The following ERC2 variants were observed in gnomAD, a reference collection of about 807,000 sequenced individuals.
The protein encoded by ERC2 is ERC protein 2.
ERC2 carries 42 observed loss-of-function variants against 114.8 expected under a neutral mutation model. That is an observed-to-expected ratio of 0.37 (90% CI 0.29 to 0.47). The LOEUF is 0.47. ERC2 is among the 20% of genes least tolerant of loss of function. The pLI is 0.99. For synonymous variants in ERC2, 454 were observed against 425.5 expected, an observed-to-expected ratio of 1.07 and a Z score of -0.82; for missense variants, 939 against 1,150.7, an observed-to-expected ratio of 0.82 and a Z score of 2.66.
chr3:56,450,470 C>T (rs1480321837), intron 1 of ERC2, among the ~76,000 whole-genome samples: 1 of 152,150 alleles, frequency 6.6e-6, no homozygotes, highest in East Asian at 1.9e-4. Flanking sequence ...TCTGAAACCC[C>T]TAAAAATTTT....
intron 14 of ERC2, among the ~76,000 whole-genome samples, chr3:55,850,186 T>C (rs2061511748): frequency 6.6e-6 from 1 of 152,208 alleles, no homozygotes; most frequent in Non-Finnish European, 1.5e-5. Flanking sequence ...TTCTGTCTCA[T>C]AAGAACATCT....
intron 2 of ERC2, among the ~76,000 whole-genome samples, chr3:56,430,969 A>G (rs544558555): frequency 6.6e-6 from 1 of 152,280 alleles, no homozygotes; most frequent in South Asian, 2.1e-4. Flanking sequence ...AAATAGACCA[A>G]TGCCTTAAGA....
intron 15 of ERC2, among the ~76,000 whole-genome samples, chr3:55,713,294 T>C (rs970696468): frequency 1.1e-4 from 16 of 152,120 alleles, no homozygotes; most frequent in African/African-American, 3.9e-4. Context: ...CACTGCAACC[T>C]CTACCTCCCA....
chr3:55,630,274 A>G (rs1449776147), intron 17 of ERC2, among the ~76,000 whole-genome samples: 3 of 152,204 alleles, frequency 2.0e-5, no homozygotes, highest in Middle Eastern at 3.4e-3. Context: ...GGTTCAAGTG[A>G]TTCTCCTGCC....
intron 15 of ERC2, among the ~76,000 whole-genome samples, chr3:55,724,318 G>A (rs2064775491): frequency 6.6e-6 from 1 of 152,170 alleles, no homozygotes; most frequent in Admixed American, 6.5e-5. Flanking sequence ...GGTCAGGAGG[G>A]GTGGGGAGTG....
intron 14 of ERC2, among the ~76,000 whole-genome samples, chr3:55,796,671 T>C (rs2070524987): frequency 6.6e-6 from 1 of 152,174 alleles, no homozygotes; most frequent in Non-Finnish European, 1.5e-5. Flanking sequence ...GTGATCTTCC[T>C]GCCTCGGCCT....
chr3:56,286,283 G>A (rs988464689), intron 3 of ERC2, among the ~76,000 whole-genome samples: 3 of 151,704 alleles, frequency 2.0e-5, no homozygotes, highest in Admixed American at 2.0e-4. Flanking sequence ...ATGTGGTGTC[G>A]CATGCCTGTA....
chr3:55,895,132 A>G (rs28641773), intron 13 of ERC2, among the ~76,000 whole-genome samples: 7,136 of 152,282 alleles, frequency 0.047, 363 homozygotes, highest in African/African-American at 0.12. Flanking sequence ...GGTTCCACCT[A>G]CAAGATCTTT....
intron 17 of ERC2, among the ~76,000 whole-genome samples, chr3:55,569,104 G>T (rs1461005715): frequency 6.6e-6 from 1 of 152,130 alleles, no homozygotes; most frequent in Admixed American, 6.6e-5. Flanking sequence ...TGTGGTTGAG[G>T]GGGAGGGGCT....
chr3:56,237,414 T>G (rs139353068), intron 3 of ERC2, among the ~76,000 whole-genome samples: 185 of 152,296 alleles, frequency 1.2e-3, no homozygotes, highest in African/African-American at 4.4e-3. Flanking sequence ...CATGGATATA[T>G]CCACCCTTTG....
chr3:55,552,632 A>G (rs1391176653), intron 17 of ERC2, among the ~76,000 whole-genome samples: 1 of 142,116 alleles, frequency 7.0e-6, no homozygotes. Flanking sequence ...GAGAATTTGG[A>G]AAAAAGGAAA....
chr3:56,451,582 A>T (rs917400858), intron 1 of ERC2, among the ~76,000 whole-genome samples: 1 of 152,244 alleles, frequency 6.6e-6, no homozygotes, highest in Non-Finnish European at 1.5e-5. Flanking sequence ...TGAATGGTAT[A>T]CAGAAACCCC....
At chr3:56,223,518 CA>C (rs60141863) in intron 3 of ERC2, among the ~76,000 whole-genome samples, 31,323 of 122,016 alleles carry the variant, frequency 0.26, 3,860 homozygotes, top group Non-Finnish European at 0.34. Flanking sequence ...AGAAAAATGG[CA>C]AAAAAAAAAA....
At chr3:56,050,113 T>C (rs1360554681) in intron 7 of ERC2, among the ~76,000 whole-genome samples, 1 of 152,164 alleles carries the variant, frequency 6.6e-6, no homozygotes, top group Non-Finnish European at 1.5e-5. Context: ...CTGTCATATA[T>C]GTTGATTGCA....
intron 17 of ERC2, among the ~76,000 whole-genome samples, chr3:55,568,455 T>C (rs1287669683): frequency 3.9e-5 from 6 of 152,244 alleles, no homozygotes. Context: ...TTCCCCATTC[T>C]GGATGGCGGC....
intron 14 of ERC2, among the ~76,000 whole-genome samples, chr3:55,779,662 A>G (rs1054875537): frequency 1.7e-4 from 26 of 152,220 alleles, no homozygotes; most frequent in African/African-American, 5.1e-4. Context: ...CCAGCAGCAC[A>G]TTGCAGAAAG....
At chr3:56,190,574 C>T (rs927689992) in intron 3 of ERC2, among the ~76,000 whole-genome samples, 3 of 152,094 alleles carry the variant, frequency 2.0e-5, no homozygotes, top group Admixed American at 2.0e-4. Context: ...AAGCTGGGAC[C>T]ATAGGTGCAT....
At chr3:55,654,239 A>C (rs1209258217) in intron 17 of ERC2, among the ~76,000 whole-genome samples, 1 of 152,228 alleles carries the variant, frequency 6.6e-6, no homozygotes, top group Admixed American at 6.5e-5. Context: ...CATGAACACC[A>C]GCAAACTGTA....
At chr3:55,537,790 C>G (rs959814423) in intron 17 of ERC2, among the ~76,000 whole-genome samples, 2 of 152,222 alleles carry the variant, frequency 1.3e-5, no homozygotes, top group Admixed American at 1.3e-4. Context: ...CATGAGGACA[C>G]ATTTCAACAT....
Sources: allele counts gnomAD v4.1 joint callset (sites outside exome capture counted in the v4.1 genomes callset), GRCh38; gene constraint gnomAD v4.1.1; transcripts MANE v1.5; gene names NCBI Gene and HGNC (gene_info 2026-07-23, HGNC 2026-07-21).